The following CCSER1 variants were observed in gnomAD, a reference collection of about 807,000 sequenced individuals.
CCSER1 encodes the protein serine-rich coiled-coil domain-containing protein 1.
In CCSER1, 41 loss-of-function variants were observed where a neutral mutation model predicts 82.0. The ratio of observed to expected loss-of-function variants is 0.50; its 90% CI spans 0.39 to 0.65. The LOEUF is 0.65. CCSER1 is among the 30% of genes least tolerant of loss of function. The probability of loss-of-function intolerance (pLI) is 0.00; values close to 1 mark genes in which losing one functional copy is unlikely to be tolerated. For missense variants in CCSER1, 1,119 were observed against 1,064.2 expected (o/e 1.05, Z -0.72); for synonymous variants, 414 against 383.9 (o/e 1.08, Z -0.92).
intron 5 of CCSER1, among the ~76,000 whole-genome samples, chr4:90,604,328 G>A (rs575370049): frequency 6.6e-6 from 1 of 152,162 alleles, no homozygotes; most frequent in South Asian, 2.1e-4. Flanking sequence ...CTGCCCATGT[G>A]TACCGGAGAG....
chr4:90,675,269 C>G (rs907496201), intron 6 of CCSER1, among the ~76,000 whole-genome samples: 13 of 151,714 alleles, frequency 8.6e-5, no homozygotes, highest in Non-Finnish European at 1.6e-4. Context: ...CTTACAGTTG[C>G]AAGGCTTATT....
At chr4:90,420,336 G>A (rs565480996) in intron 4 of CCSER1, among the ~76,000 whole-genome samples, 28 of 152,050 alleles carry the variant, frequency 1.8e-4, no homozygotes, top group Admixed American at 1.4e-3. Flanking sequence ...ACAGAATAAT[G>A]TTCTAACTGG....
chr4:90,384,484 G>A (rs1033410892), intron 3 of CCSER1, among the ~76,000 whole-genome samples: 1 of 152,024 alleles, frequency 6.6e-6, no homozygotes, highest in Admixed American at 6.6e-5. Context: ...CTTTCTGGCT[G>A]TTAGGATCCA....
intron 10 of CCSER1, among the ~76,000 whole-genome samples, chr4:91,447,796 C>T (rs960514401): frequency 1.3e-5 from 2 of 152,038 alleles, no homozygotes; most frequent in African/African-American, 4.8e-5. Flanking sequence ...TACAGTAATA[C>T]AGTACTTATC....
At chr4:90,319,985 G>A (rs1488500337) in intron 3 of CCSER1, among the ~76,000 whole-genome samples, 1 of 152,106 alleles carries the variant, frequency 6.6e-6, no homozygotes, top group Non-Finnish European at 1.5e-5. Context: ...TACATTTTAG[G>A]TTAATAGCCC....
chr4:91,502,893 C>A (rs1298591934), intron 10 of CCSER1, among the ~76,000 whole-genome samples: 1 of 151,928 alleles, frequency 6.6e-6, no homozygotes, highest in Non-Finnish European at 1.5e-5. Flanking sequence ...AATTGCAGAC[C>A]GTCATTGGCC....
intron 10 of CCSER1, among the ~76,000 whole-genome samples, chr4:91,483,190 A>ACTC (rs1758040373): frequency 6.6e-6 from 1 of 152,152 alleles, no homozygotes. Context: ...ATAGTGTCAT[A>ACTC]CTCTATCTGA....
intron 10 of CCSER1, among the ~76,000 whole-genome samples, chr4:91,345,410 A>C (rs1047959385): frequency 6.6e-6 from 1 of 152,154 alleles, no homozygotes; most frequent in African/African-American, 2.4e-5. Flanking sequence ...AAGAAGAAAA[A>C]AAGAAACTCT....
intron 5 of CCSER1, among the ~76,000 whole-genome samples, chr4:90,511,724 A>C (rs531657782): frequency 6.6e-6 from 1 of 152,328 alleles, no homozygotes; most frequent in Admixed American, 6.5e-5. Flanking sequence ...ATGTGCTTCA[A>C]GTAATAACGT....
intron 9 of CCSER1, among the ~76,000 whole-genome samples, chr4:90,976,314 C>A (rs1478281520): frequency 6.6e-6 from 1 of 150,924 alleles, no homozygotes; most frequent in Non-Finnish European, 1.5e-5. Flanking sequence ...CATGAAGAAA[C>A]AGGGAAAGTG....
intron 7 of CCSER1, among the ~76,000 whole-genome samples, chr4:90,726,002 A>G (rs1404062651): frequency 6.6e-6 from 1 of 151,946 alleles, no homozygotes; most frequent in African/African-American, 2.4e-5. Context: ...CTTTTCTAAG[A>G]TACAGTGATT....
intron 4 of CCSER1, among the ~76,000 whole-genome samples, chr4:90,460,989 A>G (rs917020944): frequency 7.2e-6 from 1 of 139,546 alleles, no homozygotes; most frequent in African/African-American, 2.6e-5. Context: ...CACTTTGTTT[A>G]TTTCAATAGT....
intron 8 of CCSER1, among the ~76,000 whole-genome samples, chr4:90,914,111 C>T (rs1408179034): frequency 6.6e-6 from 1 of 152,096 alleles, no homozygotes; most frequent in Non-Finnish European, 1.5e-5. Context: ...CAAGTATATC[C>T]AGGAATTGAA....
chr4:90,333,849 G>A (rs879461233), intron 3 of CCSER1, among the ~76,000 whole-genome samples: 3 of 152,074 alleles, frequency 2.0e-5, no homozygotes, highest in Admixed American at 6.6e-5. Flanking sequence ...ATACAAAATC[G>A]GTTCAGGTCC....
At chr4:90,229,578 C>A (rs534756134) in intron 1 of CCSER1, among the ~76,000 whole-genome samples, 262 of 151,612 alleles carry the variant, frequency 1.7e-3, no homozygotes, top group African/African-American at 6.1e-3. Context: ...AGCAAAATAA[C>A]CAGCTAACAT....
intron 10 of CCSER1, among the ~76,000 whole-genome samples, chr4:91,386,922 G>T (rs1030052672): frequency 1.3e-5 from 2 of 151,884 alleles, no homozygotes; most frequent in East Asian, 1.9e-4. Flanking sequence ...GATAGAAAAA[G>T]AATGGATGAG....
At chr4:91,465,661 T>G (rs1578530679) in intron 10 of CCSER1, among the ~76,000 whole-genome samples, 2 of 151,992 alleles carry the variant, frequency 1.3e-5, no homozygotes, top group South Asian at 2.1e-4. Flanking sequence ...TAAAAAATGA[T>G]AAAGGGGATA....
intron 1 of CCSER1, among the ~76,000 whole-genome samples, chr4:90,244,903 G>T (rs1721149538): frequency 6.6e-6 from 1 of 152,134 alleles, no homozygotes; most frequent in Non-Finnish European, 1.5e-5. Context: ...TAGAAAATGA[G>T]CTTTAGAGTC....
chr4:90,823,929 T>G (rs3929215), intron 8 of CCSER1, among the ~76,000 whole-genome samples: 244 of 152,126 alleles, frequency 1.6e-3, no homozygotes, highest in African/African-American at 5.7e-3. Context: ...CAAAGTTAAA[T>G]AAAAGTTTTA....
Sources: gnomAD v4.1 joint callset for allele counts (sites outside exome capture counted in the v4.1 genomes callset) on GRCh38, gnomAD v4.1.1 for gene constraint, MANE v1.5 for transcripts, NCBI Gene and HGNC (gene_info 2026-07-23, HGNC 2026-07-21) for gene names.